Variants in COL5A3 observed in about 807,000 individuals in gnomAD.
The protein encoded by COL5A3 is collagen type V alpha 3 chain, also known as collagen alpha-3(V) chain.
A neutral mutation model predicts 250.0 loss-of-function variants in COL5A3; 172 were observed. The observed-to-expected ratio is 0.69, with a 90% CI of 0.61 to 0.78. The LOEUF is 0.78. COL5A3 is among the 30% of genes least tolerant of loss of function. The pLI is 0.00. For synonymous variants in COL5A3, 937 were observed against 900.4 expected (o/e 1.04, Z -0.73); for missense variants, 2,340 against 2,334.4 (o/e 1.00, Z -0.05).
chr19:9,963,207 C>T lies in COL5A3; in HGVS notation c.4783-320G>A, dbSNP rs1376078138. Among the ~76,000 whole-genome samples, 3 of 151,882 alleles carry T rather than the reference C, an allele frequency of 2.0e-5. No individual in the cohort carries two copies. In the East Asian group the frequency reaches 5.8e-4, roughly 29 times the overall value. ...TTGAGCTCTGGGTCTCCAATGGCAC[C>T]ATTTTATTTTAATTAATTAATTAAT... On this transcript the variant is annotated intron_variant, in intron 64 of 66. Coordinates refer to ENST00000264828, the MANE Select transcript of COL5A3 (RefSeq NM_015719.4).
intron 64 of COL5A3, 62 bp downstream of exon 64, chr19:9,966,245 TGGTTGTG>T: frequency 8.8e-7 from 1 of 1,131,292 alleles, no homozygotes; most frequent in Non-Finnish European, 1.3e-6. Flanking sequence ...CCAGACAAGG[TGGTTGTG>T]GGTGTGGGGA....
At chr19:9,999,727 A>C (rs2087330342) in intron 8 of COL5A3, among the ~76,000 whole-genome samples, 1 of 151,696 alleles carries the variant, frequency 6.6e-6, no homozygotes, top group South Asian at 2.1e-4. Context: ...CGGCCTCCCA[A>C]AGTGCTGGGA....
chr19:9,968,851 G>C lies in COL5A3; in HGVS notation c.4153-123C>G. 1 of 877,966 alleles carries C rather than the reference G, an allele frequency of 1.1e-6. No individual in the cohort carries two copies. Among genetic ancestry groups the C allele is most frequent in the Non-Finnish European group, 1.8e-6 (1 of 555,140 alleles). 54.4% of individuals were successfully genotyped at this position (877,966 alleles called of 1,614,324 possible). A position where few individuals can be genotyped will look rare whatever the true frequency, so the allele number is the denominator to read the frequency against. On this transcript the variant is annotated intron_variant, in intron 57 of 66. Coordinates refer to ENST00000264828, the MANE Select transcript of COL5A3 (RefSeq NM_015719.4). This position sits in a 1 kb window ranked among gnomAD's most constrained non-coding sequence, Gnocchi z 4.1. ...TCAAATGGGAATTACCAGGGATGAGGTCAAGGGATGGTCAGAGTAGGCCAC... is the reference window on the plus strand; with the variant it reads ...TCAAATGGGAATTACCAGGGATGAGCTCAAGGGATGGTCAGAGTAGGCCAC...
intron 1 of COL5A3, among the ~76,000 whole-genome samples, chr19:10,007,276 C>T (rs1240387940): frequency 7.9e-5 from 12 of 152,158 alleles, no homozygotes; most frequent in Admixed American, 7.9e-4. Context: ...CCTTCTCCCA[C>T]TGCCTATCCT....
intron 1 of COL5A3, among the ~76,000 whole-genome samples, chr19:10,010,046 C>A (rs1434700281): frequency 6.6e-6 from 1 of 152,148 alleles, no homozygotes; most frequent in Non-Finnish European, 1.5e-5. Flanking sequence ...TACACACATG[C>A]ACACACCTGC....
At chr19:9,996,911 G>C in intron 11 of COL5A3, 1 of 557,742 alleles carries the variant, frequency 1.8e-6, no homozygotes. Context: ...GGGGAGAGAG[G>C]GATGGAGAAG....
At chr19:9,970,345 T>G (rs1464143189) in intron 54 of COL5A3, among the ~76,000 whole-genome samples, 93 of 26,656 alleles carry the variant, frequency 3.5e-3, no homozygotes, top group African/African-American at 4.5e-3. Context: ...TGGGTGAGTG[T>G]GTTCTGTGGC....
Position 9,970,662 on chromosome 19 carries a change from G to A in COL5A3, c.3896C>T (p.Ala1299Val). 3 of 1,448,662 alleles carry A rather than the reference G, an allele frequency of 2.1e-6. No individual in the cohort carries two copies. Among genetic ancestry groups the A allele is most frequent in the Admixed American group, 2.8e-5 (1 of 35,382 alleles). The allele number at this position is 1,448,662 out of a possible 1,614,324, so 89.7% of individuals were successfully genotyped here. ...GDVGGPGPPGASGEPGAPGPP... is the reference protein window; with the variant it reads ...GDVGGPGPPGVSGEPGAPGPP... The stretch of plus-strand genomic sequence containing the variant: ...CCCGGGGGCGCCGGGCTCCCCAGAA[G>A]CTCCAGGCGGACCCTGGAGGAGACA... Residue 1299 changes from alanine to valine, a missense_variant, in exon 54 of 67, where the codon GCT (alanine) becomes GTT (valine). Transcript: ENST00000264828.
intron 32 of COL5A3, 128 bp from the exon 33 acceptor site, chr19:9,981,260 G>A (rs924539248): frequency 1.3e-5 from 10 of 788,502 alleles, no homozygotes; most frequent in East Asian, 9.8e-5. Flanking sequence ...AAGCTTTTCA[G>A]TCATACACAT....
chr19:10,003,478 A>G (rs1389332803), intron 6 of COL5A3, 87 bp downstream of exon 6: 1 of 1,320,716 alleles, frequency 7.6e-7, no homozygotes, highest in African/African-American at 1.5e-5. Flanking sequence ...GGGAGACTAG[A>G]AGTCAAGCAC....
At chr19:9,993,205 A>T in intron 19 of COL5A3, 138 bp from the exon 20 acceptor site, 1 of 1,144,878 alleles carries the variant, frequency 8.7e-7, no homozygotes, top group Non-Finnish European at 1.3e-6. Flanking sequence ...AGTTCATGGG[A>T]TTCCATTCAG....
chr19:10,003,317 G>T (rs746021394), intron 6 of COL5A3, among the ~76,000 whole-genome samples: 1 of 152,168 alleles, frequency 6.6e-6, no homozygotes, highest in South Asian at 2.1e-4. Flanking sequence ...GATTGAGGGG[G>T]TCAGAGATGG....
rs114716836 is a variant in COL5A3 at position 10,008,298 on chromosome 19, G to A, written c.88+2000C>T. 2.8e-3 allele frequency among the ~76,000 whole-genome samples: 427 copies of A among 152,226 alleles called. 1 individual carries two copies. Among genetic ancestry groups the A allele is most frequent in the South Asian group, 3.9e-3 (19 of 4,824 alleles). On this transcript the variant is annotated intron_variant, in intron 1 of 66. Coordinates refer to ENST00000264828, the MANE Select transcript of COL5A3 (RefSeq NM_015719.4). ...CATTTACATTAAGAAAGTCCTTCCC[G>A]GCATCCAACTCAAAGCTCTCCTGCT...
At chr19:10,007,125 C>T (rs1388424158) in intron 1 of COL5A3, among the ~76,000 whole-genome samples, 1 of 151,164 alleles carries the variant, frequency 6.6e-6, no homozygotes, top group East Asian at 1.9e-4. Context: ...CTATGACCTC[C>T]TCCCTCTGAG....
At chr19:9,996,970 GAGAGAT>G (rs1313116163) in intron 11 of COL5A3, 1 of 536,374 alleles carries the variant, frequency 1.9e-6, no homozygotes, top group African/African-American at 2.0e-5. Context: ...GAGAGACAGA[GAGAGAT>G]AGACAGAGAC....
At chr19:9,967,257 C>T in intron 62 of COL5A3, 90 bp downstream of exon 62, 2 of 962,502 alleles carry the variant, frequency 2.1e-6, no homozygotes, top group East Asian at 3.2e-5. Context: ...CAGTGCTGCG[C>T]ACGGAAGGAC....
At chr19:10,004,747 C>T (rs1016930009) in intron 4 of COL5A3, among the ~76,000 whole-genome samples, 3 of 152,148 alleles carry the variant, frequency 2.0e-5, no homozygotes, top group Non-Finnish European at 4.4e-5. Context: ...ACACACATCA[C>T]GGTCACACAC....
intron 61 of COL5A3, 97 bp from the exon 62 acceptor site, chr19:9,967,497 ACACACACACAGTCT>A: frequency 3.9e-6 from 2 of 518,842 alleles, no homozygotes; most frequent in Non-Finnish European, 6.3e-6. Flanking sequence ...ACACACACTC[ACACACACACAGTCT>A]CACACACTCA....
intron 65 of COL5A3, among the ~76,000 whole-genome samples, chr19:9,962,433 C>A (rs2086687154): frequency 6.6e-6 from 1 of 152,174 alleles, no homozygotes; most frequent in African/African-American, 2.4e-5. Context: ...ATTCACCAGA[C>A]CCTGTCTTGA....
Sources: gnomAD v4.1 joint callset for allele counts (sites outside exome capture counted in the v4.1 genomes callset) on GRCh38, gnomAD v4.1.1 for gene constraint, Gnocchi (gnomAD v3.1) non-coding constraint, MANE v1.5 for transcripts, NCBI Gene and HGNC (gene_info 2026-07-23, HGNC 2026-07-21) for gene names.